The following ARL6IP1 variants were observed in gnomAD, a reference collection of about 807,000 sequenced individuals.
ARL6IP1 encodes the protein ADP-ribosylation factor-like protein 6-interacting protein 1.
ARL6IP1 carries 16 observed loss-of-function variants against 30.1 expected under a neutral mutation model. That is an observed-to-expected ratio of 0.53 (90% CI 0.36 to 0.81). The LOEUF (loss-of-function observed/expected upper bound fraction) is 0.81, where lower values mean the gene tolerates loss of function less well. ARL6IP1 is among the 30% of genes least tolerant of loss of function. The pLI is 0.01. For synonymous variants in ARL6IP1, 72 were observed against 84.8 expected (o/e 0.85, Z 0.83); for missense variants, 173 against 242.7 (o/e 0.71, Z 1.91).
At chr16:18,799,560 G>A (rs544324105) in intron 1 of ARL6IP1, among the ~76,000 whole-genome samples, 25 of 152,204 alleles carry the variant, frequency 1.6e-4, no homozygotes, top group African/African-American at 5.8e-4. Context: ...GAATTGATCC[G>A]TTGTTTTTGT....
At chr16:18,801,052 G>A (rs774157930) in intron 1 of ARL6IP1, 1 of 554,066 alleles carries the variant, frequency 1.8e-6, no homozygotes, top group Non-Finnish European at 2.5e-6. Flanking sequence ...GCACATCCAG[G>A]TTAAGATCAA....
intron 4 of ARL6IP1, chr16:18,795,041 G>C (rs1474018119): frequency 1.7e-5 from 3 of 177,848 alleles, no homozygotes; most frequent in Non-Finnish European, 3.3e-5. Context: ...TTTTGAGACA[G>C]AGTCTCATTC....
intron 3 of ARL6IP1, among the ~76,000 whole-genome samples, chr16:18,797,506 C>T (rs949381347): frequency 1.3e-5 from 2 of 152,122 alleles, no homozygotes; most frequent in Admixed American, 1.3e-4. Flanking sequence ...CTCAGTGTCT[C>T]AGTATCTCAG....
chr16:18,801,261 G>A (rs1299340392), intron 1 of ARL6IP1, 170 bp downstream of exon 1: 3 of 1,443,260 alleles, frequency 2.1e-6, no homozygotes, highest in East Asian at 2.5e-5. Flanking sequence ...AAAGGTAAGG[G>A]TTCGACACCC....
At chr16:18,795,862 T>G (rs892116494) in intron 3 of ARL6IP1, among the ~76,000 whole-genome samples, 2 of 152,186 alleles carry the variant, frequency 1.3e-5, no homozygotes, top group African/African-American at 4.8e-5. Flanking sequence ...ATTTATTTAA[T>G]GGTAGTAAAA....
chr16:18,792,998 A>G lies in ARL6IP1; in HGVS notation c.*254T>C, dbSNP rs1327811422. ...TTGTCTAAAAGCAAGAATTCAATTAACGCTGGGTAAGAAAAGTCAAAACAC... is the reference window on the plus strand; with the variant it reads ...TTGTCTAAAAGCAAGAATTCAATTAGCGCTGGGTAAGAAAAGTCAAAACAC... On this transcript the variant is annotated 3_prime_UTR_variant, in exon 6 of 6. Coordinates refer to ENST00000304414, the MANE Select transcript of ARL6IP1 (RefSeq NM_015161.3). 1 of 310,744 alleles carries G rather than the reference A, an allele frequency of 3.2e-6. No individual in the cohort carries two copies. The highest frequency in any genetic ancestry group is 6.1e-5 in the East Asian group (1 of 16,504). The allele number at this position is 310,744 out of a possible 1,614,324, so 19.2% of individuals were successfully genotyped here.
Position 18,792,427 on chromosome 16 carries a change from G to C in ARL6IP1, c.*825C>G, listed in dbSNP as rs1387497924. 1 of 152,210 alleles carries C rather than the reference G, an allele frequency of 6.6e-6. No homozygotes were observed. The highest frequency in any genetic ancestry group is 2.4e-5 in the African/African-American group (1 of 41,428). The allele number at this position is 152,210 out of a possible 1,614,324, so 9.4% of individuals were successfully genotyped here. On this transcript the variant is annotated 3_prime_UTR_variant, in exon 6 of 6. Coordinates refer to ENST00000304414, the MANE Select transcript of ARL6IP1 (RefSeq NM_015161.3). The stretch of plus-strand genomic sequence containing the variant: ...GCTGTCCTTTTGCCAGTCTTAGAGT[G>C]AAAGTCATAGACATGAGTCTTAACC...
rs930529794 is a variant in ARL6IP1 at position 18,798,799 on chromosome 16, T to C, written c.72A>G (p.Gln24=). The stretch of plus-strand genomic sequence containing the variant: ...CCATCAGCATCACTTCTCCCCATCC[T>C]TGCAGCTGTTCTTCCAGACTTGCAG... ...AETASLEEQL[Q]GWGEVMLMAD... The change falls in exon 2 of 6, where the codon CAA becomes CAG. Residue 24 remains glutamine (Q), a synonymous_variant. Coordinates refer to ENST00000304414, the MANE Select transcript of ARL6IP1 (RefSeq NM_015161.3). 10 of 1,614,060 alleles carry C rather than the reference T, an allele frequency of 6.2e-6. No homozygotes were observed. The African/African-American group carries it at 1.2e-4, about 19-fold the overall frequency.
rs150354477 is a variant in ARL6IP1 at position 18,795,689 on chromosome 16, C to T, written c.291-108G>A. The stretch of plus-strand genomic sequence containing the variant: ...CTTCTAAAGAAAATAAAAATAAAAA[C>T]AATGTTTCACCATTATCTTATGTAG... On this transcript the variant is annotated intron_variant, in intron 3 of 5. Coordinates refer to ENST00000304414, the MANE Select transcript of ARL6IP1 (RefSeq NM_015161.3). The T allele has an allele frequency of 5.3e-5, 39 of 735,722 alleles. No individual in the cohort carries two copies. In the East Asian group the frequency reaches 9.6e-4, roughly 18 times the overall value. The allele number at this position is 735,722 out of a possible 1,614,324, so 45.6% of individuals were successfully genotyped here.
intron 5 of ARL6IP1, 50 bp downstream of exon 5, chr16:18,794,549 T>G (rs770848484): frequency 2.2e-5 from 31 of 1,430,964 alleles, no homozygotes; most frequent in Non-Finnish European, 2.8e-5. Flanking sequence ...GAAGTTACAG[T>G]TAAATTTCAC....
chr16:18,801,304 T>C, intron 1 of ARL6IP1, 127 bp downstream of exon 1: 1 of 1,511,340 alleles, frequency 6.6e-7, no homozygotes, highest in Non-Finnish European at 8.9e-7. Flanking sequence ...GGGCCAGGCA[T>C]CGTCGCCTGC....
intron 1 of ARL6IP1, chr16:18,801,072 A>G: frequency 1.4e-6 from 1 of 732,878 alleles, no homozygotes. Flanking sequence ...AAGACGGGGA[A>G]AGCCGAATAC....
intron 2 of ARL6IP1, 162 bp from the exon 3 acceptor site, chr16:18,798,206 T>C: frequency 1.6e-6 from 1 of 619,266 alleles, no homozygotes; most frequent in East Asian, 3.2e-5. Context: ...CTTTGTGACA[T>C]GCTGATATCA....
At position 18,795,486 on chromosome 16, in the gene ARL6IP1, A is replaced by C. The variant is rs372691774; in HGVS notation, c.386T>G (p.Leu129Arg). 25 of 1,612,766 alleles carry C rather than the reference A, an allele frequency of 1.6e-5. No homozygotes were observed. The highest frequency in any genetic ancestry group is 2.1e-5 in the Non-Finnish European group (25 of 1,179,708). The part of the protein sequence containing the change: ...AVGWWKRLFT[L>R]KEEKPKMYFM... ...TACCATCTTAGGTTTTTCTTCCTTT[A>C]GTGTGAAGAGGCGTTTCCACCAACC... is the stretch of plus-strand genomic sequence containing the variant. The change falls in exon 4 of 6, where the codon CTA becomes CGA. Residue 129 changes from leucine to arginine, a missense_variant. By Grantham distance (102) the Leu-to-Arg change is moderately radical. Coordinates refer to ENST00000304414, the MANE Select transcript of ARL6IP1 (RefSeq NM_015161.3).
chr16:18,793,427 ATTAC>A, intron 5 of ARL6IP1, 57 bp from the exon 6 acceptor site: 1 of 908,262 alleles, frequency 1.1e-6, no homozygotes. Context: ...GCTAAAGGTT[ATTAC>A]TTTTTTTTTT....
chr16:18,793,155 A>G lies in ARL6IP1; in HGVS notation c.*97T>C. 2.6e-6 allele frequency: 2 copies of G among 775,804 alleles called. No individual in the cohort carries two copies. The highest frequency in any genetic ancestry group is 4.2e-6 in the Non-Finnish European group (2 of 474,578). 48.1% of individuals were successfully genotyped at this position (775,804 alleles called of 1,614,324 possible). ...AAGGGCAGAGTGAGGGAGAACAAAGAGCTACTTCCGTAACATTTTAGTATC... is the reference window on the plus strand; with the variant it reads ...AAGGGCAGAGTGAGGGAGAACAAAGGGCTACTTCCGTAACATTTTAGTATC... On this transcript the variant is annotated 3_prime_UTR_variant, in exon 6 of 6. Transcript: ENST00000304414.
At chr16:18,796,949 TGAG>T (rs2030249824) in intron 3 of ARL6IP1, among the ~76,000 whole-genome samples, 1 of 152,172 alleles carries the variant, frequency 6.6e-6, no homozygotes, top group South Asian at 2.1e-4. Context: ...GAATAGCAGC[TGAG>T]AAGAAAATAT....
chr16:18,801,436 G>A lies in ARL6IP1; in HGVS notation c.31C>T (p.Leu11=). 6.2e-7 allele frequency: 1 copy of A among 1,613,018 alleles called. No individual in the cohort carries two copies. Among genetic ancestry groups the A allele is most frequent in the Non-Finnish European group, 8.5e-7 (1 of 1,179,738 alleles). The stretch of plus-strand genomic sequence containing the variant: ...GACAGGCAGCCAGGACTCACCAGCA[G>A]GTTGGTGCTGCGATTATCTCCCTCC... MAEGDNRSTN[L]LAAETASLEE... is the part of the protein sequence containing the mutation. The change falls in exon 1 of 6, where the codon CTG becomes TTG. Residue 11 remains leucine (L), a synonymous_variant. Coordinates refer to ENST00000304414, the MANE Select transcript of ARL6IP1 (RefSeq NM_015161.3).
chr16:18,793,812 C>T (rs953906609), intron 5 of ARL6IP1, among the ~76,000 whole-genome samples: 3 of 152,192 alleles, frequency 2.0e-5, no homozygotes, highest in African/African-American at 7.2e-5. Flanking sequence ...CAGGTTCAAG[C>T]GATTCTCCTG....
Sources: allele counts gnomAD v4.1 joint callset (sites outside exome capture counted in the v4.1 genomes callset), GRCh38; gene constraint gnomAD v4.1.1; transcripts MANE v1.5; gene names NCBI Gene and HGNC (gene_info 2026-07-23, HGNC 2026-07-21).